The following DSCAML1 variants were observed in gnomAD, a reference collection of about 807,000 sequenced individuals.
DSCAML1 encodes the protein DS cell adhesion molecule like 1, also known as cell adhesion molecule DSCAML1.
In DSCAML1, 38 loss-of-function variants were observed where a neutral mutation model predicts 200.5. That is an observed-to-expected ratio of 0.19 (90% confidence interval 0.15 to 0.25). The LOEUF is 0.25. Ranked by LOEUF, DSCAML1 falls within the 10% of genes least tolerant of loss-of-function variation. DSCAML1 has a pLI of 1.00. For missense variants in DSCAML1, 2,223 were observed against 2,858.8 expected (o/e 0.78, Z 5.07); for synonymous variants, 1,215 against 1,165.0 (o/e 1.04, Z -0.87).
At chr11:117,529,952 AC>A (rs1726945099) in intron 4 of DSCAML1, among the ~76,000 whole-genome samples, 1 of 151,428 alleles carries the variant, frequency 6.6e-6, no homozygotes, top group South Asian at 2.1e-4. Flanking sequence ...ACATCCCATC[AC>A]ATCAGGGCCC....
intron 3 of DSCAML1, among the ~76,000 whole-genome samples, chr11:117,651,493 CAGG>C (rs1274574562): frequency 6.6e-6 from 1 of 151,616 alleles, no homozygotes; most frequent in African/African-American, 2.4e-5. Context: ...ATCACGAGGT[CAGG>C]AGATCGAGAC....
intron 3 of DSCAML1, among the ~76,000 whole-genome samples, chr11:117,561,635 T>C: frequency 6.6e-6 from 1 of 152,226 alleles, no homozygotes; most frequent in Non-Finnish European, 1.5e-5. Context: ...CCTGTGATGG[T>C]CTGGGTCTGT....
intron 3 of DSCAML1, among the ~76,000 whole-genome samples, chr11:117,651,570 G>T (rs1381452561): frequency 6.6e-6 from 1 of 151,602 alleles, no homozygotes; most frequent in Non-Finnish European, 1.5e-5. Flanking sequence ...AAATTAGCCG[G>T]CCGTGGTGGC....
intron 3 of DSCAML1, among the ~76,000 whole-genome samples, chr11:117,753,158 T>G (rs2137872741): frequency 6.6e-6 from 1 of 152,312 alleles, no homozygotes; most frequent in South Asian, 2.1e-4. Flanking sequence ...ACATTTAAAA[T>G]GCACCTCCCA....
intron 3 of DSCAML1, among the ~76,000 whole-genome samples, chr11:117,702,354 A>G (rs565284015): frequency 1.0e-3 from 155 of 152,010 alleles, no homozygotes; most frequent in Middle Eastern, 3.4e-3. Flanking sequence ...ATGCCTTCCT[A>G]TGGCATGTTG....
intron 3 of DSCAML1, among the ~76,000 whole-genome samples, chr11:117,670,301 G>A (rs541195910): frequency 3.9e-4 from 60 of 151,992 alleles, no homozygotes; most frequent in Non-Finnish European, 6.5e-4. Context: ...CACCACTGCC[G>A]CCCCCCAGAC....
At chr11:117,618,895 C>CT (rs1183459763) in intron 3 of DSCAML1, among the ~76,000 whole-genome samples, 1 of 152,180 alleles carries the variant, frequency 6.6e-6, no homozygotes, top group African/African-American at 2.4e-5. Flanking sequence ...CTACCGCTCA[C>CT]TGGGGGTGTT....
At chr11:117,628,664 G>A (rs2052106471) in intron 3 of DSCAML1, among the ~76,000 whole-genome samples, 1 of 152,112 alleles carries the variant, frequency 6.6e-6, no homozygotes, top group Non-Finnish European at 1.5e-5. Flanking sequence ...GAGTCACTCT[G>A]ACTTGCATTG....
chr11:117,691,960 T>A (rs1565877460), intron 3 of DSCAML1, among the ~76,000 whole-genome samples: 1 of 151,712 alleles, frequency 6.6e-6, no homozygotes, highest in Non-Finnish European at 1.5e-5. Context: ...TGAAATGACT[T>A]TTTTTTTAAG....
At chr11:117,451,778 G>T (rs564452851) in intron 19 of DSCAML1, among the ~76,000 whole-genome samples, 31 of 150,696 alleles carry the variant, frequency 2.1e-4, no homozygotes, top group African/African-American at 6.9e-4. Context: ...TCACGCCATT[G>T]CACTCCAGCC....
chr11:117,610,407 G>A (rs537285805), intron 3 of DSCAML1, among the ~76,000 whole-genome samples: 1 of 152,238 alleles, frequency 6.6e-6, no homozygotes, highest in South Asian at 2.1e-4. Flanking sequence ...ATTCTTAGCT[G>A]GTCTTCTGAC....
chr11:117,472,981 C>T (rs1681320150), intron 14 of DSCAML1, among the ~76,000 whole-genome samples: 1 of 152,134 alleles, frequency 6.6e-6, no homozygotes, highest in Non-Finnish European at 1.5e-5. Flanking sequence ...AAAGGCAAAT[C>T]ACAAGGAAAC....
At position 117,444,034 on chromosome 11, in the gene DSCAML1, G is replaced by T; in HGVS notation, c.3714C>A (p.Pro1238=). The change falls in exon 21 of 33, where the codon CCC becomes CCA. Residue 1238 remains proline, a synonymous_variant. Transcript: ENST00000651296. ...CSSPGSGQPA[P]SEYETSPEQL... Reference sequence around the variant, plus strand: ...GCTCTGGACTCGTCTCGTACTCGCTGGGAGCCTGCGGGGCAGAGGCAAAGA... The same window carrying T: ...GCTCTGGACTCGTCTCGTACTCGCTTGGAGCCTGCGGGGCAGAGGCAAAGA... The T allele has an allele frequency of 6.2e-7, 1 of 1,611,312 alleles. No individual in the cohort carries two copies. The highest frequency in any genetic ancestry group is 1.1e-5 in the South Asian group (1 of 90,818).
intron 1 of DSCAML1, among the ~76,000 whole-genome samples, chr11:117,816,308 T>C (rs760383337): frequency 5.3e-5 from 8 of 152,200 alleles, no homozygotes; most frequent in Non-Finnish European, 1.0e-4. Context: ...GAGGCCGCTG[T>C]GGCCCTGGCT....
chr11:117,540,676 C>CA (rs1666689196), intron 3 of DSCAML1, among the ~76,000 whole-genome samples: 1 of 150,318 alleles, frequency 6.7e-6, no homozygotes. Flanking sequence ...GAACATCACA[C>CA]ACTAGGGCCT....
intron 3 of DSCAML1, among the ~76,000 whole-genome samples, chr11:117,684,911 T>G (rs1047719773): frequency 6.6e-6 from 1 of 152,208 alleles, no homozygotes; most frequent in African/African-American, 2.4e-5. Context: ...CTTCTTCAAG[T>G]AGCCAAAGTG....
rs2050099684 is a variant in DSCAML1, at chr11:117,532,424, A to G, written c.610T>C (p.Tyr204His). 1 of 1,614,014 alleles carries G rather than the reference A, an allele frequency of 6.2e-7. No individual in the cohort carries two copies. The highest frequency in any genetic ancestry group is 8.5e-7 in the Non-Finnish European group (1 of 1,179,980). The change falls in exon 4 of 33, where the codon TAT (tyrosine) becomes CAT (histidine). Residue 204 changes from tyrosine to histidine, a missense_variant. Around this residue, in one of 7 missense-constraint regions of DSCAML1, gnomAD observed 579 missense variants for 721.5 expected, o/e 0.80. Coordinates refer to ENST00000651296, the MANE Select transcript of DSCAML1 (RefSeq NM_020693.4). ...STYRCITKHK[Y>H]SGETRQSNGA... is the part of the protein sequence containing the mutation. ...TTGCTCTGCCGGGTCTCCCCGCTAT[A>G]CTTGTGCTTGGTGATGCAGCGATAG...
chr11:117,508,547 G>A (rs559083568), intron 8 of DSCAML1, among the ~76,000 whole-genome samples: 1 of 151,740 alleles, frequency 6.6e-6, no homozygotes, highest in Non-Finnish European at 1.5e-5. Flanking sequence ...AGAATAAGAG[G>A]GGGGGTCTGT....
intron 3 of DSCAML1, among the ~76,000 whole-genome samples, chr11:117,556,535 C>A (rs2050562396): frequency 9.0e-6 from 1 of 111,426 alleles, no homozygotes; most frequent in South Asian, 2.5e-4. Context: ...ATTTCTCTCA[C>A]CCTGCTAGTG....
Sources: allele counts gnomAD v4.1 joint callset (sites outside exome capture counted in the v4.1 genomes callset), GRCh38; gene constraint gnomAD v4.1.1; regional missense constraint gnomAD v4.1.1; transcripts MANE v1.5; gene names NCBI Gene and HGNC (gene_info 2026-07-23, HGNC 2026-07-21).